RAD52: variants seen among roughly 807,000 people sequenced by gnomAD.
RAD52 encodes the protein RAD52 DNA repair protein.
RAD52 carries 47 observed loss-of-function variants against 55.5 expected under a neutral mutation model. The ratio of observed to expected loss-of-function variants is 0.85; its 90% confidence interval spans 0.67 to 1.08. The LOEUF is 1.08. Ranked by LOEUF, RAD52 falls within the 50% of genes least tolerant of loss-of-function variation. RAD52 has a pLI of 0.00. For missense variants in RAD52, 468 were observed against 522.8 expected (o/e 0.90, Z 1.02); for synonymous variants, 184 against 198.9 (o/e 0.92, Z 0.63).
At chr12:949,531 C>T (rs1247861413) in intron 1 of RAD52, 71 bp downstream of exon 1, 1 of 152,544 alleles carries the variant, frequency 6.6e-6, no homozygotes, top group East Asian at 1.9e-4. Flanking sequence ...GACCCGGAAG[C>T]TGAGCCTTCC....
At chr12:917,611 G>A (rs940242607) in intron 7 of RAD52, among the ~76,000 whole-genome samples, 2 of 151,786 alleles carry the variant, frequency 1.3e-5, no homozygotes, top group Non-Finnish European at 2.9e-5. Context: ...GGCCAGGCAC[G>A]TTGACTCATG....
rs1209387010 is a variant in RAD52, at chr12:933,012, G to A, written c.47C>T (p.Pro16Leu). The change falls in exon 2 of 12, where the codon CCT (proline) becomes CTT (leucine). Residue 16 changes from proline (P) to leucine (L), a missense_variant. By Grantham distance (98) the Pro-to-Leu change is moderately conservative. Coordinates refer to ENST00000358495, the MANE Select transcript of RAD52 (RefSeq NM_134424.4). The stretch of plus-strand genomic sequence containing the variant: ...TAACACTGAGCCGCCGCCAGCAGCA[G>A]GATGGCTGTCACGTCCTCCAAGAAT... ...EAILGGRDSH[P>L]AAGGGSVLCF... 1.2e-5 allele frequency: 20 copies of A among 1,613,932 alleles called. No individual in the cohort carries two copies. The highest frequency in any genetic ancestry group is 1.7e-5 in the Non-Finnish European group (20 of 1,180,038).
At chr12:922,209 A>AC (rs1555170858) in intron 7 of RAD52, among the ~76,000 whole-genome samples, 1 of 151,300 alleles carries the variant, frequency 6.6e-6, no homozygotes, top group Non-Finnish European at 1.5e-5. Context: ...AAAAAAAAAA[A>AC]AAAACCAAAA....
chr12:973,013 C>T (rs1442376634), intron 1 of RAD52, among the ~76,000 whole-genome samples: 2 of 152,100 alleles, frequency 1.3e-5, no homozygotes, highest in Non-Finnish European at 2.9e-5. Context: ...CAGAATATAA[C>T]CTAGCTTTTA....
At chr12:940,784 C>T (rs1308979439) in intron 1 of RAD52, among the ~76,000 whole-genome samples, 1 of 151,942 alleles carries the variant, frequency 6.6e-6, no homozygotes, top group Admixed American at 6.6e-5. Context: ...AGAATAGGAA[C>T]TACTCTTGAA....
At chr12:933,975 G>A (rs1411828106) in intron 1 of RAD52, among the ~76,000 whole-genome samples, 1 of 151,804 alleles carries the variant, frequency 6.6e-6, no homozygotes, top group Non-Finnish European at 1.5e-5. Context: ...AAATTAGCCA[G>A]GCGTGGTGCT....
intron 2 of RAD52, among the ~76,000 whole-genome samples, chr12:931,722 G>T (rs1409645577): frequency 1.3e-5 from 2 of 152,206 alleles, no homozygotes; most frequent in Admixed American, 1.3e-4. Flanking sequence ...TGTTTCTGAA[G>T]CTTAGGAAGC....
intron 1 of RAD52, among the ~76,000 whole-genome samples, chr12:980,729 C>G (rs755646078): frequency 8.6e-5 from 13 of 151,994 alleles, no homozygotes; most frequent in Non-Finnish European, 1.9e-4. Flanking sequence ...TCTTGAGTAG[C>G]TAGGATTACA....
At chr12:986,711 A>G (rs1375690519) in intron 1 of RAD52, among the ~76,000 whole-genome samples, 1 of 151,870 alleles carries the variant, frequency 6.6e-6, no homozygotes, top group East Asian at 1.9e-4. Context: ...GTTGGGTGTA[A>G]AAGTTGAAAC....
intron 7 of RAD52, 65 bp from the exon 8 acceptor site, chr12:916,885 C>T: frequency 6.5e-7 from 1 of 1,550,034 alleles, no homozygotes; most frequent in Non-Finnish European, 8.7e-7. Flanking sequence ...TTCTCCCTGA[C>T]TCACAGATTG....
intron 6 of RAD52, among the ~76,000 whole-genome samples, chr12:926,465 C>G (rs1469328301): frequency 6.6e-6 from 1 of 152,112 alleles, no homozygotes; most frequent in Non-Finnish European, 1.5e-5. Context: ...GACGGCACCA[C>G]TGCACCCCAG....
chr12:938,983 T>C (rs1269124210), intron 1 of RAD52, among the ~76,000 whole-genome samples: 1 of 151,926 alleles, frequency 6.6e-6, no homozygotes, highest in African/African-American at 2.4e-5. Context: ...AGATGTATGA[T>C]TTTGTATGAT....
At chr12:925,341 T>TA in intron 7 of RAD52, 109 bp downstream of exon 7, 1 of 901,758 alleles carries the variant, frequency 1.1e-6, no homozygotes, top group South Asian at 1.4e-5. Context: ...CCCGACCCTC[T>TA]AAAGAGCTGA....
chr12:974,716 G>A (rs951828800), intron 1 of RAD52: 1 of 152,122 alleles, frequency 6.6e-6, no homozygotes, highest in Non-Finnish European at 1.5e-5. Context: ...TACATACTAA[G>A]TAAGTGATGA....
At chr12:952,896 A>AGAAAGGGAAC (rs1488880989), upstream of RAD52, among the ~76,000 whole-genome samples, 13 of 110,202 alleles carry the variant, frequency 1.2e-4, no homozygotes, top group Non-Finnish European at 2.2e-4. Context: ...CTGTCTCAAA[A>AGAAAGGGAAC]GAAAGGGAAC....
At chr12:952,667 G>T (rs906600825), upstream of RAD52, among the ~76,000 whole-genome samples, 1 of 151,144 alleles carries the variant, frequency 6.6e-6, no homozygotes, top group South Asian at 2.1e-4. Context: ...CGAGAGGATC[G>T]CCTTGACCAG....
chr12:933,354 G>A (rs753466869), intron 1 of RAD52, among the ~76,000 whole-genome samples: 4 of 151,910 alleles, frequency 2.6e-5, no homozygotes, highest in Admixed American at 6.6e-5. Flanking sequence ...AGCTACTCGG[G>A]AGGCTGAGGC....
chr12:936,850 T>C, intron 1 of RAD52: 1 of 152,366 alleles, frequency 6.6e-6, no homozygotes, highest in Non-Finnish European at 1.5e-5. Context: ...CTTGAGGCCC[T>C]TGGTCACTTT....
At position 912,846 on chromosome 12, in the gene RAD52, A is replaced by AAATT. The variant is rs1235562008; in HGVS notation, c.*541_*544dup. On this transcript the variant is annotated 3_prime_UTR_variant, in exon 12 of 12. Transcript: ENST00000358495. ...CAGGATTGTAATGTCATAAATCCAT[A>AAATT]AATTATTTATATTAAATGAAGATTG... The AAATT allele has an allele frequency of 1.0e-5, 2 of 193,758 alleles. No individual in the cohort carries two copies. The highest frequency in any genetic ancestry group is 2.2e-5 in the Non-Finnish European group (2 of 93,000). 12.0% of individuals were successfully genotyped at this position (193,758 alleles called of 1,614,324 possible). A position where few individuals can be genotyped will look rare whatever the true frequency, so the allele number is the denominator to read the frequency against.
Sources: gnomAD v4.1 joint callset for allele counts (sites outside exome capture counted in the v4.1 genomes callset) on GRCh38, gnomAD v4.1.1 for gene constraint, MANE v1.5 for transcripts, NCBI Gene and HGNC (gene_info 2026-07-23, HGNC 2026-07-21) for gene names.